Variants in CDH18 observed in about 807,000 individuals in gnomAD.
The protein encoded by CDH18 is cadherin 18.
In CDH18, 31 loss-of-function variants were observed where a neutral mutation model predicts 67.9. The ratio of observed to expected loss-of-function variants is 0.46; its 90% confidence interval spans 0.34 to 0.62. The LOEUF (loss-of-function observed/expected upper bound fraction) is 0.62. Ranked by LOEUF, CDH18 falls within the 20% of genes least tolerant of loss-of-function variation. The pLI is 0.01. For synonymous variants in CDH18, 362 were observed against 347.2 expected (o/e 1.04, Z -0.48); for missense variants, 890 against 975.5 (o/e 0.91, Z 1.17).
chr5:20,305,567 G>A, intron 1 of CDH18: 2 of 638,540 alleles, frequency 3.1e-6, no homozygotes, highest in South Asian at 1.7e-5. Context: ...GAGGGCGCTC[G>A]GCCGCTTCCG....
chr5:20,213,155 G>T (rs527653168), intron 2 of CDH18, among the ~76,000 whole-genome samples: 8 of 152,190 alleles, frequency 5.3e-5, no homozygotes, highest in African/African-American at 1.9e-4. Context: ...GCCATTGTAG[G>T]GTTATTACGT....
chr5:20,150,030 C>A (rs914958164), intron 2 of CDH18, among the ~76,000 whole-genome samples: 5 of 151,922 alleles, frequency 3.3e-5, no homozygotes, highest in Admixed American at 6.6e-5. Flanking sequence ...AAGCTAGCTG[C>A]AAAGGAATAA....
At chr5:19,645,531 T>C (rs1428420639) in intron 5 of CDH18, among the ~76,000 whole-genome samples, 1 of 152,132 alleles carries the variant, frequency 6.6e-6, no homozygotes, top group Non-Finnish European at 1.5e-5. Flanking sequence ...TGGTTCGTGG[T>C]AGTGGAGGTA....
intron 2 of CDH18, among the ~76,000 whole-genome samples, chr5:20,174,187 G>A (rs1010263965): frequency 5.3e-5 from 8 of 152,030 alleles, no homozygotes; most frequent in East Asian, 1.9e-4. Context: ...AAAATGCATC[G>A]TTGTCAGTGC....
chr5:19,869,484 T>C (rs1421959356), intron 2 of CDH18, among the ~76,000 whole-genome samples: 1 of 152,142 alleles, frequency 6.6e-6, no homozygotes, highest in African/African-American at 2.4e-5. Context: ...ATAAGCATTA[T>C]ATACAATGAG....
intron 2 of CDH18, among the ~76,000 whole-genome samples, chr5:20,241,886 A>G (rs373432014): frequency 2.9e-4 from 22 of 75,596 alleles, no homozygotes; most frequent in African/African-American, 1.2e-3. Flanking sequence ...TAAAATATAT[A>G]TATATGTATA....
chr5:19,503,185 C>A (rs2126764437), intron 10 of CDH18, 76 bp from the exon 11 acceptor site: 1 of 719,470 alleles, frequency 1.4e-6, no homozygotes, highest in Non-Finnish European at 2.4e-6. Flanking sequence ...TGTATTATTT[C>A]TGTTTAAAAA....
intron 5 of CDH18, among the ~76,000 whole-genome samples, chr5:19,617,047 G>C (rs533798613): frequency 2.6e-5 from 4 of 152,248 alleles, no homozygotes; most frequent in Non-Finnish European, 5.9e-5. Context: ...TTCAACTTAT[G>C]AACTCTAGGG....
chr5:20,163,327 C>T (rs1303735926), intron 2 of CDH18, among the ~76,000 whole-genome samples: 2 of 151,640 alleles, frequency 1.3e-5, no homozygotes, highest in Admixed American at 6.6e-5. Context: ...TTAAATTTTC[C>T]CCAATTTTCT....
At chr5:19,866,581 G>A (rs1171174276) in intron 2 of CDH18, among the ~76,000 whole-genome samples, 1 of 152,174 alleles carries the variant, frequency 6.6e-6, no homozygotes, top group Non-Finnish European at 1.5e-5. Context: ...TAATTAAAGT[G>A]CCAGGGAAAG....
At chr5:19,970,339 T>A (rs1394297530) in intron 2 of CDH18, among the ~76,000 whole-genome samples, 2 of 151,752 alleles carry the variant, frequency 1.3e-5, no homozygotes, top group Admixed American at 6.6e-5. Context: ...TTTATATTTA[T>A]AATTTGTTAA....
intron 3 of CDH18, among the ~76,000 whole-genome samples, chr5:19,769,732 A>G (rs973157338): frequency 6.6e-6 from 1 of 152,084 alleles, no homozygotes; most frequent in African/African-American, 2.4e-5. Context: ...ATGGACAAAT[A>G]AAAATATAGA....
At chr5:20,179,582 T>A (rs968040625) in intron 2 of CDH18, among the ~76,000 whole-genome samples, 1 of 152,140 alleles carries the variant, frequency 6.6e-6, no homozygotes, top group Admixed American at 6.6e-5. Context: ...GGGACTGATA[T>A]AGAAGTTATT....
chr5:19,486,473 C>T (rs1015948127), intron 11 of CDH18, among the ~76,000 whole-genome samples: 1 of 151,962 alleles, frequency 6.6e-6, no homozygotes, highest in Non-Finnish European at 1.5e-5. Context: ...CATAACAAAT[C>T]TCTAATGCGA....
intron 5 of CDH18, among the ~76,000 whole-genome samples, chr5:19,674,215 G>A (rs985444244): frequency 1.3e-5 from 2 of 151,936 alleles, no homozygotes. Flanking sequence ...TGAGAGTTCA[G>A]TAAATTAGAA....
chr5:19,820,562 G>A (rs1779768434), intron 3 of CDH18, among the ~76,000 whole-genome samples: 1 of 152,166 alleles, frequency 6.6e-6, no homozygotes, highest in East Asian at 1.9e-4. Flanking sequence ...AGGACCAAAA[G>A]GTCCCCAGTG....
At chr5:19,758,607 A>G (rs1193396612) in intron 3 of CDH18, among the ~76,000 whole-genome samples, 1 of 152,206 alleles carries the variant, frequency 6.6e-6, no homozygotes, top group Non-Finnish European at 1.5e-5. Context: ...CCAGAGTAAC[A>G]CACTAAACGA....
intron 2 of CDH18, among the ~76,000 whole-genome samples, chr5:19,957,798 G>C (rs182980561): frequency 6.6e-6 from 1 of 151,880 alleles, no homozygotes; most frequent in Non-Finnish European, 1.5e-5. Flanking sequence ...TACAATAGAA[G>C]ACTATTTATT....
intron 1 of CDH18, among the ~76,000 whole-genome samples, chr5:20,501,535 T>TATATAA (rs1754270897): frequency 2.5e-5 from 2 of 79,360 alleles, no homozygotes; most frequent in South Asian, 5.0e-4. Flanking sequence ...ATTATATATA[T>TATATAA]TATATACATA....
Sources: allele counts gnomAD v4.1 joint callset (sites outside exome capture counted in the v4.1 genomes callset), GRCh38; gene constraint gnomAD v4.1.1; transcripts MANE v1.5; gene names NCBI Gene and HGNC (gene_info 2026-07-23, HGNC 2026-07-21).